Variants in RIMS2 observed in about 807,000 individuals in gnomAD.
RIMS2 encodes the protein regulating synaptic membrane exocytosis 2, also known as regulating synaptic membrane exocytosis protein 2.
RIMS2 carries 59 observed loss-of-function variants against 174.4 expected under a neutral mutation model. The observed-to-expected ratio is 0.34, with a 90% confidence interval of 0.27 to 0.42. The LOEUF (loss-of-function observed/expected upper bound fraction) is 0.42. Among genes scored for constraint, RIMS2 ranks in the 10% least tolerant of loss-of-function variants. RIMS2 has a pLI of 1.00. For missense variants in RIMS2, 1,620 were observed against 1,666.3 expected (o/e 0.97, Z 0.48); for synonymous variants, 606 against 572.5 (o/e 1.06, Z -0.84).
At chr8:103,850,740 G>A (rs1204760512) in intron 3 of RIMS2, among the ~76,000 whole-genome samples, 1 of 152,010 alleles carries the variant, frequency 6.6e-6, no homozygotes, top group Non-Finnish European at 1.5e-5. Flanking sequence ...TTGGAGTTTA[G>A]TAGGTAAGTC....
chr8:103,501,161 T>A, intron 1 of RIMS2, 99 bp downstream of exon 1: 3 of 947,718 alleles, frequency 3.2e-6, no homozygotes, highest in Non-Finnish European at 4.3e-6. Context: ...CCGCCCTCCC[T>A]CCCGCTGGCG....
chr8:103,763,706 C>G (rs1340862352), intron 2 of RIMS2, among the ~76,000 whole-genome samples: 16 of 152,048 alleles, frequency 1.1e-4, no homozygotes, highest in Admixed American at 1.0e-3. Context: ...TCCTTCATAC[C>G]TTATGCTCAT....
intron 19 of RIMS2, among the ~76,000 whole-genome samples, chr8:104,097,138 G>A (rs1428270019): frequency 2.6e-5 from 4 of 151,960 alleles, no homozygotes; most frequent in Admixed American, 6.6e-5. Flanking sequence ...TGAATATTCC[G>A]TATCTGAAAT....
rs983813133 is a variant in RIMS2 at position 104,194,264 on chromosome 8, G to A, written c.3335-50652G>A. ...GTGGCCCCAAAATTCATGTGTTGGG[G>A]CAAGCTTTCTGCAAATAGTTTACCA... On this transcript the variant is annotated intron_variant, in intron 19 of 23. Coordinates refer to ENST00000504942, the Ensembl canonical transcript of RIMS2. Among the ~76,000 whole-genome samples, 3 of 151,990 alleles carry A rather than the reference G, an allele frequency of 2.0e-5. No individual in the cohort carries two copies. In the South Asian group the frequency reaches 6.2e-4, roughly 32 times the overall value.
At chr8:103,600,118 T>C (rs1208701939) in intron 1 of RIMS2, among the ~76,000 whole-genome samples, 3 of 152,168 alleles carry the variant, frequency 2.0e-5, no homozygotes, top group Non-Finnish European at 2.9e-5. Flanking sequence ...CACAAATTTT[T>C]ACATCCCACA....
intron 3 of RIMS2, among the ~76,000 whole-genome samples, chr8:103,871,917 A>G (rs2099114195): frequency 6.6e-6 from 1 of 152,102 alleles, no homozygotes; most frequent in South Asian, 2.1e-4. Flanking sequence ...TAAATGTCAG[A>G]CCCTACTTTA....
intron 1 of RIMS2, among the ~76,000 whole-genome samples, chr8:103,633,394 C>G (rs1490078159): frequency 1.3e-5 from 2 of 152,072 alleles, no homozygotes; most frequent in Non-Finnish European, 2.9e-5. Flanking sequence ...ATGAAGCCTA[C>G]TTGATCATGG....
chr8:104,101,561 T>TAC (rs147589283), intron 19 of RIMS2, among the ~76,000 whole-genome samples: 3,538 of 151,706 alleles, frequency 0.023, 128 homozygotes, highest in African/African-American at 0.076. Flanking sequence ...TACATATAGA[T>TAC]ACACACACAC....
At chr8:103,564,941 G>A (rs1351331138) in intron 1 of RIMS2, among the ~76,000 whole-genome samples, 2 of 152,190 alleles carry the variant, frequency 1.3e-5, no homozygotes, top group Non-Finnish European at 2.9e-5. Context: ...TAAAGAGTGA[G>A]AGTGAGGAGA....
chr8:103,957,948 TTGG>T (rs1384945876), intron 14 of RIMS2, among the ~76,000 whole-genome samples: 3 of 152,128 alleles, frequency 2.0e-5, no homozygotes, highest in Non-Finnish European at 2.9e-5. Flanking sequence ...TTACACATTG[TTGG>T]TGGGAGTGTA....
At chr8:103,771,649 A>G (rs2098254693) in intron 3 of RIMS2, among the ~76,000 whole-genome samples, 1 of 152,048 alleles carries the variant, frequency 6.6e-6, no homozygotes, top group Non-Finnish European at 1.5e-5. Context: ...CATCTCTGGA[A>G]TGGGAAAAGA....
intron 19 of RIMS2, among the ~76,000 whole-genome samples, chr8:104,088,967 G>A (rs1412937831): frequency 2.0e-5 from 3 of 151,842 alleles, no homozygotes; most frequent in African/African-American, 7.2e-5. Flanking sequence ...TTAGAGTCTG[G>A]AACATCCTGA....
At chr8:104,245,796 C>T (rs539274994) in intron 20 of RIMS2, among the ~76,000 whole-genome samples, 6 of 152,218 alleles carry the variant, frequency 3.9e-5, no homozygotes, top group Admixed American at 3.3e-4. Context: ...GATGTGAGGC[C>T]GTAGGAGCTG....
At chr8:103,999,164 G>C (rs2095274617) in intron 17 of RIMS2, among the ~76,000 whole-genome samples, 1 of 151,636 alleles carries the variant, frequency 6.6e-6, no homozygotes, top group Non-Finnish European at 1.5e-5. Context: ...AGTTATGTGT[G>C]ACTTCCTTCA....
intron 16 of RIMS2, among the ~76,000 whole-genome samples, chr8:103,986,206 T>C (rs1289071189): frequency 6.6e-6 from 1 of 152,116 alleles, no homozygotes; most frequent in Non-Finnish European, 1.5e-5. Context: ...ATATGTGCAA[T>C]GTTTACTTGA....
chr8:103,768,495 G>T (rs116751651), intron 3 of RIMS2: 12 of 943,364 alleles, frequency 1.3e-5, no homozygotes, highest in Non-Finnish European at 1.9e-5. Context: ...ATTCATGGCC[G>T]TGTCCGCCTG....
intron 1 of RIMS2, among the ~76,000 whole-genome samples, chr8:103,521,790 G>C (rs1251760309): frequency 6.6e-6 from 1 of 151,474 alleles, no homozygotes; most frequent in South Asian, 2.1e-4. Flanking sequence ...GGATAAAGAT[G>C]ATGAGGTTCC....
chr8:103,551,925 C>T (rs1417861289), intron 1 of RIMS2, among the ~76,000 whole-genome samples: 1 of 152,146 alleles, frequency 6.6e-6, no homozygotes, highest in African/African-American at 2.4e-5. Context: ...AAGAGAACTA[C>T]AAACCACTGC....
intron 2 of RIMS2, among the ~76,000 whole-genome samples, chr8:103,752,132 G>T (rs1319584246): frequency 2.6e-5 from 4 of 152,276 alleles, no homozygotes; most frequent in East Asian, 1.9e-4. Flanking sequence ...TTTGTATAAG[G>T]TGTAAGGAAG....
Sources: allele counts gnomAD v4.1 joint callset (sites outside exome capture counted in the v4.1 genomes callset), GRCh38; gene constraint gnomAD v4.1.1; transcripts MANE v1.5; gene names NCBI Gene and HGNC (gene_info 2026-07-23, HGNC 2026-07-21).